SAP130: variants seen among roughly 807,000 people sequenced by gnomAD.
SAP130 encodes Sin3A associated protein 130.
In SAP130, 16 loss-of-function variants were observed where a neutral mutation model predicts 103.2. The ratio of observed to expected loss-of-function variants is 0.16; its 90% CI spans 0.10 to 0.24. The LOEUF is 0.24. SAP130 is among the 10% of genes least tolerant of loss of function. The probability of loss-of-function intolerance (pLI) is 1.00; values close to 1 mark genes in which losing one functional copy is unlikely to be tolerated. For synonymous variants in SAP130, 477 were observed against 497.0 expected, an observed-to-expected ratio of 0.96 and a Z score of 0.53; for missense variants, 990 against 1,359.7, an observed-to-expected ratio of 0.73 and a Z score of 4.28.
At chr2:128,027,089 T>C (rs1444188130) in intron 1 of SAP130, 7 of 1,438,294 alleles carry the variant, frequency 4.9e-6, no homozygotes, top group Admixed American at 4.4e-5. Context: ...TGTGCCTCTT[T>C]ACCTGTAGCC....
intron 1 of SAP130, among the ~76,000 whole-genome samples, chr2:128,027,561 C>G (rs949147237): frequency 6.6e-6 from 1 of 151,826 alleles, no homozygotes. Flanking sequence ...AAGCGGCGGG[C>G]GCAGGGCCCG....
In SAP130 at chr2:128,016,321, T is replaced by C. The variant is rs2105204989; in HGVS notation, c.507+68A>G. ...TACCGTGACTAATGTACTGCTAGCA[T>C]TCAATAAATCATGATCAACAGTTTG... On this transcript the variant is annotated intron_variant, in intron 4 of 20. Coordinates refer to ENST00000643581, the MANE Select transcript of SAP130 (RefSeq NM_001330301.2). The C allele has an allele frequency of 2.7e-6, 4 of 1,495,776 alleles. No homozygotes were observed. The South Asian group carries it at 4.9e-5, about 18-fold the overall frequency. 92.7% of individuals were successfully genotyped at this position (1,495,776 alleles called of 1,614,324 possible).
chr2:127,978,030 A>G lies in SAP130; in HGVS notation c.2018T>C (p.Val673Ala). ...AGACGTACTCCGCATAGAGCTTTCCACTCGAGGACTAGCAACATCAGGAGG... is the reference window on the plus strand; with the variant it reads ...AGACGTACTCCGCATAGAGCTTTCCGCTCGAGGACTAGCAACATCAGGAGG... ...PQPPDVASPR[V>A]ESSMRSTSGS... Residue 673 changes from valine (V) to alanine (A), a missense_variant, in exon 15 of 21, where the codon GTG becomes GCG. Coordinates refer to ENST00000643581, the MANE Select transcript of SAP130 (RefSeq NM_001330301.2). The G allele has an allele frequency of 6.4e-7, 1 of 1,551,874 alleles. No individual in the cohort carries two copies. The highest frequency in any genetic ancestry group is 8.7e-7 in the Non-Finnish European group (1 of 1,147,004).
intron 15 of SAP130, among the ~76,000 whole-genome samples, chr2:127,971,286 CTTT>C (rs70985494): frequency 1.1e-4 from 11 of 104,324 alleles, no homozygotes; most frequent in Admixed American, 2.0e-4. Flanking sequence ...TTTTTCATTT[CTTT>C]TTTTTTTTTT....
chr2:127,958,676 G>GAC (rs1360561077), intron 15 of SAP130, among the ~76,000 whole-genome samples: 2 of 103,044 alleles, frequency 1.9e-5, no homozygotes, highest in African/African-American at 6.0e-5. Context: ...GAGAGAGAGA[G>GAC]AGAGAGAGAA....
Position 127,989,175 on chromosome 2 carries a change from T to C in SAP130, c.1780+389A>G, listed in dbSNP as rs184834730. 5.9e-5 allele frequency among the ~76,000 whole-genome samples: 9 copies of C among 151,816 alleles called. No individual in the cohort carries two copies. The East Asian group carries it at 1.4e-3, about 23-fold the overall frequency. On this transcript the variant is annotated intron_variant, in intron 13 of 20. Coordinates refer to ENST00000643581, the MANE Select transcript of SAP130 (RefSeq NM_001330301.2). This position sits in a 1 kb window ranked among gnomAD's most constrained non-coding sequence, Gnocchi z 4.6. ...GTGCAGTGGCGTGATCTCGGCTCAC[T>C]GCAAGCTCCACATCCCCAGTTCACG...
At chr2:127,992,733 A>G (rs1349852513) in intron 12 of SAP130, among the ~76,000 whole-genome samples, 1 of 152,246 alleles carries the variant, frequency 6.6e-6, no homozygotes, top group Non-Finnish European at 1.5e-5. Context: ...CATAACAACT[A>G]AAAAACATAT....
chr2:127,946,552 T>C lies in SAP130; in HGVS notation c.2798-993A>G, dbSNP rs116440889. Among the ~76,000 whole-genome samples the C allele has an allele frequency of 7.9e-3, 1,209 of 152,192 alleles. 15 individuals are homozygous for C. The highest frequency in any genetic ancestry group is 0.024 in the Middle Eastern group (7 of 294). ...GAATGGTTTTCCCCCCAAAGACATG[T>C]TGAAGATCCTTGGTACCTGTGACTA... is the stretch of plus-strand genomic sequence containing the variant. On this transcript the variant is annotated intron_variant, in intron 18 of 20. Coordinates refer to ENST00000643581, the MANE Select transcript of SAP130 (RefSeq NM_001330301.2).
intron 7 of SAP130, among the ~76,000 whole-genome samples, chr2:128,003,664 A>G (rs901569691): frequency 1.3e-5 from 2 of 152,006 alleles, no homozygotes; most frequent in Non-Finnish European, 1.5e-5. Context: ...ACTCACCCAC[A>G]CGTACCAAAA....
chr2:127,970,427 G>T (rs1427999696), intron 15 of SAP130, among the ~76,000 whole-genome samples: 1 of 150,900 alleles, frequency 6.6e-6, no homozygotes, highest in Non-Finnish European at 1.5e-5. Context: ...TGTAATCCCA[G>T]CTGCTCAGGA....
In SAP130 at chr2:128,000,314, A is replaced by G. The variant is rs763948054; in HGVS notation, c.1010T>C (p.Met337Thr). The G allele has an allele frequency of 6.2e-7, 1 of 1,614,202 alleles. No individual in the cohort carries two copies. Among genetic ancestry groups the G allele is most frequent in the South Asian group, 1.1e-5 (1 of 91,084 alleles). Residue 337 changes from methionine (M) to threonine (T), a missense_variant, in exon 8 of 21, where the codon ATG becomes ACG. Met to Thr is a moderately conservative substitution (Grantham distance 81, BLOSUM62 -1). Coordinates refer to ENST00000643581, the MANE Select transcript of SAP130 (RefSeq NM_001330301.2). ...LGTPKQQLHTMAQKTIFSTGT... is the reference protein window; with the variant it reads ...LGTPKQQLHTTAQKTIFSTGT... ...CTCCACTTTTGGTTTTACCTGAGCCATTGTATGAAGCTGCTGTTTTGGCGT... is the reference window on the plus strand; with the variant it reads ...CTCCACTTTTGGTTTTACCTGAGCCGTTGTATGAAGCTGCTGTTTTGGCGT...
intron 1 of SAP130, 48 bp downstream of exon 1, chr2:128,027,892 C>T (rs1037667700): frequency 8.6e-5 from 84 of 977,168 alleles, no homozygotes; most frequent in Non-Finnish European, 9.6e-5. Flanking sequence ...AGCCGCCCCG[C>T]CCCCTCGTCT....
At chr2:127,956,153 A>C (rs575753605) in intron 15 of SAP130, among the ~76,000 whole-genome samples, 3 of 152,128 alleles carry the variant, frequency 2.0e-5, no homozygotes, top group Non-Finnish European at 2.9e-5. Flanking sequence ...TTCCATAAAA[A>C]CTCTAAAAGA....
In SAP130 at chr2:127,996,422, C is replaced by T; in HGVS notation, c.1283G>A (p.Ser428Asn). Residue 428 changes from serine (S) to asparagine (N), a missense_variant, in exon 11 of 21, where the codon AGT (serine) becomes AAT (asparagine). Ser to Asn is a conservative substitution (Grantham distance 46, BLOSUM62 1). Around this residue, in one of 6 missense-constraint regions of SAP130, gnomAD observed 336 missense variants for 520.1 expected, o/e 0.65. Coordinates refer to ENST00000643581, the MANE Select transcript of SAP130 (RefSeq NM_001330301.2). The surrounding 1 kb of genome is among the most constrained non-coding windows in gnomAD (Gnocchi z 4.3). ...ATGTCCGGAGATGGGAATCAGGCTA[C>T]TCCTCTCGGCAGGGTAGTCTGGCTG... Reference protein sequence around the residue: ...RIQPDYPAERSSLIPISGHRA... With the variant: ...RIQPDYPAERNSLIPISGHRA... 1 of 1,610,142 alleles carries T rather than the reference C, an allele frequency of 6.2e-7. No homozygotes were observed. Among genetic ancestry groups the T allele is most frequent in the East Asian group, 2.2e-5 (1 of 44,530 alleles).
intron 12 of SAP130, among the ~76,000 whole-genome samples, chr2:127,990,405 A>G (rs1443218455): frequency 1.3e-5 from 2 of 152,184 alleles, no homozygotes; most frequent in African/African-American, 4.8e-5. Flanking sequence ...AAGCAACAAA[A>G]AAGGAGGAAT....
In SAP130 at chr2:127,950,213, T is replaced by C. The variant is rs147285473; in HGVS notation, c.2618A>G (p.Lys873Arg). Residue 873 changes from lysine (K) to arginine (R), a missense_variant, in exon 17 of 21, where the codon AAG becomes AGG. Lys to Arg is a conservative substitution (Grantham distance 26). Transcript: ENST00000643581. Reference protein sequence around the residue: ...NSTDDEKSTAKSLLVKAEKRK... With the variant: ...NSTDDEKSTARSLLVKAEKRK... ...CTTCTCAGCCTTCACCAGAAGACTC[T>C]TGGCAGTGGACTTCTCATCATCAGT... 7 of 1,614,100 alleles carry C rather than the reference T, an allele frequency of 4.3e-6. No individual in the cohort carries two copies. In the Middle Eastern group the frequency reaches 4.9e-4, roughly 114 times the overall value.
chr2:128,006,806 G>T (rs1032677463), intron 7 of SAP130, among the ~76,000 whole-genome samples: 3 of 152,174 alleles, frequency 2.0e-5, no homozygotes, highest in African/African-American at 7.2e-5. Context: ...AAACCAGCTG[G>T]ATCTGGTGCT....
At chr2:127,960,646 G>A (rs1011874846) in intron 15 of SAP130, among the ~76,000 whole-genome samples, 5 of 151,608 alleles carry the variant, frequency 3.3e-5, no homozygotes, top group African/African-American at 1.2e-4. Context: ...TTTTTTGTTT[G>A]GAATTAGTAA....
intron 14 of SAP130, among the ~76,000 whole-genome samples, chr2:127,985,886 G>A (rs530781611): frequency 2.1e-4 from 32 of 151,882 alleles, no homozygotes; most frequent in South Asian, 4.2e-4. Context: ...GCTGGACGGC[G>A]AGAGGACAGC....
Sources: gnomAD v4.1 joint callset for allele counts (sites outside exome capture counted in the v4.1 genomes callset) on GRCh38, gnomAD v4.1.1 for gene constraint, gnomAD v4.1.1 regional missense constraint, Gnocchi (gnomAD v3.1) non-coding constraint, MANE v1.5 for transcripts, NCBI Gene and HGNC (gene_info 2026-07-23, HGNC 2026-07-21) for gene names.